Variants in COL9A1 observed in about 807,000 individuals in gnomAD.
COL9A1 encodes collagen type IX alpha 1 chain.
COL9A1 carries 104 observed loss-of-function variants against 142.6 expected under a neutral mutation model. The ratio of observed to expected loss-of-function variants is 0.73; its 90% CI spans 0.62 to 0.86. The LOEUF (loss-of-function observed/expected upper bound fraction) is 0.86, where lower values mean the gene tolerates loss of function less well. Ranked by LOEUF, COL9A1 falls within the 40% of genes least tolerant of loss-of-function variation. The pLI is 0.00. For synonymous variants in COL9A1, 466 were observed against 396.0 expected (o/e 1.18, Z -2.10); for missense variants, 1,210 against 1,176.6 (o/e 1.03, Z -0.42).
intron 10 of COL9A1, among the ~76,000 whole-genome samples, chr6:70,277,347 A>G (rs1364051438): frequency 6.6e-6 from 1 of 152,136 alleles, no homozygotes; most frequent in East Asian, 1.9e-4. Flanking sequence ...ATAAGCCAAA[A>G]AAAAAAAATC....
rs1030752198 is a variant in COL9A1, at chr6:70,252,110, G to C, written c.1872+10C>G. The C allele has an allele frequency of 6.2e-7, 1 of 1,613,794 alleles. No individual in the cohort carries two copies. The highest frequency in any genetic ancestry group is 2.2e-5 in the East Asian group (1 of 44,882). On this transcript the variant is annotated intron_variant, in intron 28 of 37. Transcript: ENST00000357250. ...AGGTGCTTTAGGAAAGAACAGCAAG[G>C]AATACTCACAGGAAGCCCCTGGGGT... is the stretch of plus-strand genomic sequence containing the variant.
At chr6:70,235,068 G>A in intron 33 of COL9A1, 128 bp from the exon 34 acceptor site, 5 of 1,201,788 alleles carry the variant, frequency 4.2e-6, no homozygotes, top group Non-Finnish European at 6.0e-6. Flanking sequence ...TGTTCTTTCA[G>A]AGGTTACAAA....
downstream of COL9A1, chr6:70,215,152 C>G (rs555637503): frequency 6.6e-6 from 1 of 151,814 alleles, no homozygotes; most frequent in Non-Finnish European, 1.5e-5. Flanking sequence ...ATAACAGAGA[C>G]CTTTATTTTC....
chr6:70,274,087 A>G lies in COL9A1; in HGVS notation c.1030-5T>C. On this transcript the variant is annotated splice_polypyrimidine_tract_variant and splice_region_variant and intron_variant, in intron 11 of 37. Transcript: ENST00000357250. ...TCCAGGCACACCAGGTTCTCCCTAA[A>G]AATAAAAATAGTTTCATTGTACTGA... 6.3e-7 allele frequency: 1 copy of G among 1,589,226 alleles called. No individual in the cohort carries two copies. The highest frequency in any genetic ancestry group is 8.6e-7 in the Non-Finnish European group (1 of 1,165,402).
chr6:70,267,319 G>GTTTTT (rs1050364230), intron 17 of COL9A1, among the ~76,000 whole-genome samples: 24 of 99,666 alleles, frequency 2.4e-4, no homozygotes, highest in African/African-American at 3.2e-4. Flanking sequence ...TGTTTGTTTG[G>GTTTTT]TTTTTTTGTT....
intron 17 of COL9A1, among the ~76,000 whole-genome samples, chr6:70,267,411 C>G (rs1772098031): frequency 6.6e-6 from 1 of 151,536 alleles, no homozygotes; most frequent in Non-Finnish European, 1.5e-5. Context: ...CAACCTCCAC[C>G]TCCTGGGTTC....
At position 70,280,705 on chromosome 6, in the gene COL9A1, T is replaced by TTC. The variant is rs1302693352; in HGVS notation, c.975+105_975+106dup. ...AGGCCAAGTTTAGAGCCACAGCGCG[T>TTC]TCTCTCTCTCTCTTTCTCTCTCTCC... On this transcript the variant is annotated intron_variant, in intron 10 of 37. Coordinates refer to ENST00000357250, the MANE Select transcript of COL9A1 (RefSeq NM_001851.6). The TTC allele has an allele frequency of 1.4e-4, 183 of 1,342,442 alleles. 1 individual carries two copies. Among genetic ancestry groups the TTC allele is most frequent in the African/African-American group, 1.2e-3 (83 of 68,306 alleles). 83.2% of individuals were successfully genotyped at this position (1,342,442 alleles called of 1,614,324 possible).
At chr6:70,262,655 G>A (rs908583429) in intron 19 of COL9A1, among the ~76,000 whole-genome samples, 11 of 152,156 alleles carry the variant, frequency 7.2e-5, no homozygotes, top group African/African-American at 2.2e-4. Flanking sequence ...CCATTTTAAT[G>A]TAATACAAAA....
At chr6:70,280,260 T>C (rs1224787144) in intron 10 of COL9A1, 1 of 1,246,610 alleles carries the variant, frequency 8.0e-7, no homozygotes, top group African/African-American at 1.5e-5. Context: ...AATCTAGTTT[T>C]GAATTTCTAA....
intron 28 of COL9A1, among the ~76,000 whole-genome samples, chr6:70,245,504 G>A (rs181596345): frequency 6.6e-5 from 10 of 152,274 alleles, no homozygotes; most frequent in Admixed American, 5.9e-4. Context: ...AACAGCCTTG[G>A]TGATAACCAT....
intron 5 of COL9A1, among the ~76,000 whole-genome samples, chr6:70,289,691 T>A (rs1315502644): frequency 6.6e-6 from 1 of 152,122 alleles, no homozygotes; most frequent in Non-Finnish European, 1.5e-5. Context: ...ACTGAAAGAG[T>A]ATTTGTAAAA....
At chr6:70,274,358 C>T (rs556612560) in intron 11 of COL9A1, among the ~76,000 whole-genome samples, 59 of 152,248 alleles carry the variant, frequency 3.9e-4, no homozygotes, top group Non-Finnish European at 7.6e-4. Context: ...GCTCTCCCTC[C>T]TCCCACCCCC....
chr6:70,283,955 A>G, intron 5 of COL9A1, 135 bp from the exon 6 acceptor site: 1 of 733,976 alleles, frequency 1.4e-6, no homozygotes, highest in Middle Eastern at 2.3e-4. Flanking sequence ...CTGGACCAGG[A>G]CTCTTGCTTT....
At chr6:70,289,329 A>AGGGG (rs2127602571) in intron 5 of COL9A1, among the ~76,000 whole-genome samples, 1 of 152,298 alleles carries the variant, frequency 6.6e-6, no homozygotes, top group South Asian at 2.1e-4. Flanking sequence ...GGCACAGCTG[A>AGGGG]GGCCAATAAA....
intron 2 of COL9A1, among the ~76,000 whole-genome samples, chr6:70,301,586 A>T (rs3793078): frequency 6.6e-6 from 1 of 152,200 alleles, no homozygotes; most frequent in Admixed American, 6.5e-5. Context: ...CAAAAAAATA[A>T]AAATATAAAT....
rs780145517 is a variant in COL9A1 at position 70,300,349 on chromosome 6, T to C, written c.126A>G (p.Glu42=). 21 of 1,613,636 alleles carry C rather than the reference T, an allele frequency of 1.3e-5. No individual in the cohort carries two copies. The highest frequency in any genetic ancestry group is 1.7e-5 in the Non-Finnish European group (20 of 1,179,778). ...PVNSNSNGGN[E]LCPKIRIGQD... is the part of the protein sequence containing the mutation. The stretch of plus-strand genomic sequence containing the variant: ...GGCCAATCCTGATCTTTGGACAGAG[T>C]TCATTTCCACCATTAGAATTGGAAT... The change falls in exon 3 of 38, where the codon GAA becomes GAG. Residue 42 remains glutamate, a synonymous_variant. Coordinates refer to ENST00000357250, the MANE Select transcript of COL9A1 (RefSeq NM_001851.6).
chr6:70,217,125 A>C, intron 37 of COL9A1, 44 bp from the exon 38 acceptor site: 22 of 1,604,252 alleles, frequency 1.4e-5, no homozygotes, highest in Non-Finnish European at 1.7e-5. Context: ...GAGAATCCTC[A>C]TTGATGCAAA....
intron 21 of COL9A1, 85 bp from the exon 22 acceptor site, chr6:70,255,475 C>T (rs1771222673): frequency 1.7e-6 from 2 of 1,166,064 alleles, no homozygotes; most frequent in Non-Finnish European, 2.6e-6. Context: ...ATCCACGTCA[C>T]CAAACTATTA....
intron 4 of COL9A1, among the ~76,000 whole-genome samples, chr6:70,294,821 C>T (rs551669148): frequency 1.3e-5 from 2 of 152,282 alleles, no homozygotes; most frequent in South Asian, 4.1e-4. Context: ...GTTCCCAATG[C>T]CACATAATCC....
Sources: gnomAD v4.1 joint callset for allele counts (sites outside exome capture counted in the v4.1 genomes callset) on GRCh38, gnomAD v4.1.1 for gene constraint, MANE v1.5 for transcripts, NCBI Gene and HGNC (gene_info 2026-07-23, HGNC 2026-07-21) for gene names.